The following CREB5 variants were observed in gnomAD, a reference collection of about 807,000 sequenced individuals.
The protein encoded by CREB5 is cyclic AMP-responsive element-binding protein 5.
Under a neutral mutation model 57.1 loss-of-function variants are expected in CREB5, and 19 were observed. The ratio of observed to expected loss-of-function variants is 0.33; its 90% CI spans 0.23 to 0.49. The LOEUF (loss-of-function observed/expected upper bound fraction) is 0.49, where lower values mean the gene tolerates loss of function less well. CREB5 is among the 20% of genes least tolerant of loss of function. The probability of loss-of-function intolerance (pLI) is 0.99; values close to 1 mark genes in which losing one functional copy is unlikely to be tolerated. For synonymous variants in CREB5, 238 were observed against 238.3 expected (o/e 1.00, Z 0.01); for missense variants, 579 against 671.6 (o/e 0.86, Z 1.52).
At chr7:28,471,858 G>A (rs1790828062) in intron 1 of CREB5, among the ~76,000 whole-genome samples, 1 of 152,098 alleles carries the variant, frequency 6.6e-6, no homozygotes, top group Non-Finnish European at 1.5e-5. Context: ...TACAAAAAAT[G>A]CATTATCTCA....
At chr7:28,772,938 C>A (rs547572299) in intron 7 of CREB5, among the ~76,000 whole-genome samples, 3 of 152,256 alleles carry the variant, frequency 2.0e-5, no homozygotes, top group Admixed American at 2.0e-4. Flanking sequence ...CTCTCGTAAC[C>A]TCCTAGATCT....
chr7:28,503,615 T>G (rs78755701), intron 3 of CREB5, among the ~76,000 whole-genome samples: 4 of 151,942 alleles, frequency 2.6e-5, no homozygotes, highest in African/African-American at 9.7e-5. Context: ...AACTCTGAGA[T>G]GAGGTCATGA....
At chr7:28,537,629 A>G (rs1794018006) in intron 4 of CREB5, among the ~76,000 whole-genome samples, 1 of 152,188 alleles carries the variant, frequency 6.6e-6, no homozygotes, top group Admixed American at 6.5e-5. Context: ...AGTGAAAAGG[A>G]GGAGGCAGAT....
chr7:28,319,380 C>A (rs117600882), intron 1 of CREB5, among the ~76,000 whole-genome samples: 1 of 152,144 alleles, frequency 6.6e-6, no homozygotes, highest in Non-Finnish European at 1.5e-5. Flanking sequence ...AGTATTTTTA[C>A]CCCTCAATGT....
intron 9 of CREB5, among the ~76,000 whole-genome samples, chr7:28,813,584 A>G (rs1280362607): frequency 6.6e-6 from 1 of 152,186 alleles, no homozygotes; most frequent in African/African-American, 2.4e-5. Flanking sequence ...GGGAGGGTAT[A>G]TTGTAGAGCC....
intron 4 of CREB5, among the ~76,000 whole-genome samples, chr7:28,514,854 C>G (rs960050306): frequency 1.3e-5 from 2 of 152,064 alleles, no homozygotes; most frequent in Non-Finnish European, 1.5e-5. Flanking sequence ...CGGGTGTTAT[C>G]GGAGGTGCTA....
chr7:28,682,687 G>C (rs182476663), intron 5 of CREB5, among the ~76,000 whole-genome samples: 7 of 147,752 alleles, frequency 4.7e-5, no homozygotes, highest in South Asian at 2.2e-4. Flanking sequence ...AAAAGTGGGG[G>C]GGGGGGGAAA....
At chr7:28,797,640 G>A (rs549037937) in intron 7 of CREB5, among the ~76,000 whole-genome samples, 2 of 152,216 alleles carry the variant, frequency 1.3e-5, no homozygotes, top group Non-Finnish European at 1.5e-5. Flanking sequence ...AGCCAAGTAT[G>A]ATCTTAGTTA....
intron 5 of CREB5, among the ~76,000 whole-genome samples, chr7:28,635,555 C>G (rs1487230621): frequency 1.3e-5 from 2 of 152,212 alleles, no homozygotes; most frequent in Admixed American, 6.5e-5. Flanking sequence ...TCTGCCTCAG[C>G]TGACAAGCTG....
chr7:28,693,787 C>A (rs1357398249), intron 5 of CREB5, among the ~76,000 whole-genome samples: 2 of 152,180 alleles, frequency 1.3e-5, no homozygotes, highest in Admixed American at 1.3e-4. Flanking sequence ...AAGTGCTCAG[C>A]AAATGTTAGT....
intron 5 of CREB5, among the ~76,000 whole-genome samples, chr7:28,583,058 G>T (rs984531935): frequency 1.3e-5 from 2 of 151,610 alleles, no homozygotes; most frequent in African/African-American, 4.8e-5. Flanking sequence ...CAAGCATGAG[G>T]GGTGTGGAGA....
chr7:28,332,120 G>A (rs917087061), intron 1 of CREB5, among the ~76,000 whole-genome samples: 10 of 152,138 alleles, frequency 6.6e-5, no homozygotes, highest in Non-Finnish European at 1.5e-4. Context: ...CAGAGGAGAA[G>A]GCTACATGAA....
chr7:28,338,207 C>T (rs1304023582), intron 1 of CREB5, among the ~76,000 whole-genome samples: 2 of 152,112 alleles, frequency 1.3e-5, no homozygotes, highest in Non-Finnish European at 2.9e-5. Flanking sequence ...CTTACTATTG[C>T]CGGTGACTTT....
At chr7:28,340,356 G>C (rs1347973913) in intron 1 of CREB5, among the ~76,000 whole-genome samples, 50 of 144,762 alleles carry the variant, frequency 3.5e-4, no homozygotes, top group Admixed American at 5.5e-4. Context: ...GTCAGCAGGT[G>C]ATAAATTCTG....
At chr7:28,379,577 C>G (rs1786917823) in intron 1 of CREB5, among the ~76,000 whole-genome samples, 1 of 152,208 alleles carries the variant, frequency 6.6e-6, no homozygotes. Context: ...GATCCAGGGC[C>G]AGTGGTGCCC....
rs1310018316 is a variant in CREB5, at chr7:28,560,889, T to TGCGTGTGTGC, written c.292-9475_292-9474insCGTGTGTGCG. 1.6e-4 allele frequency among the ~76,000 whole-genome samples: 3 copies of TGCGTGTGTGC among 18,210 alleles called. 1 individual carries two copies. Among genetic ancestry groups the TGCGTGTGTGC allele is most frequent in the Non-Finnish European group, 3.0e-4 (3 of 10,012 alleles). The allele number at this position is 18,210 out of a possible 152,430, so 11.9% of individuals were successfully genotyped here. On this transcript the variant is annotated intron_variant, in intron 4 of 10. Transcript: ENST00000357727. ...GCCTGCGTGCGCGTGCGTGCGTGCGTGTGTGTGCGTGCGCGCGTGCGTGTG... is the reference window on the plus strand; with the variant it reads ...GCCTGCGTGCGCGTGCGTGCGTGCGTGCGTGTGTGCGTGTGTGCGTGCGCGCGTGCGTGTG...
chr7:28,797,659 C>A (rs1808126153), intron 7 of CREB5, among the ~76,000 whole-genome samples: 1 of 152,196 alleles, frequency 6.6e-6, no homozygotes, highest in African/African-American at 2.4e-5. Context: ...TAATCCCATG[C>A]ACAGCACGGA....
chr7:28,569,099 C>G (rs191149506), intron 4 of CREB5, among the ~76,000 whole-genome samples: 1 of 152,172 alleles, frequency 6.6e-6, no homozygotes, highest in Non-Finnish European at 1.5e-5. Context: ...TAAAGACTTA[C>G]TTATTGCCCT....
chr7:28,793,862 G>T (rs6964001), intron 7 of CREB5, among the ~76,000 whole-genome samples: 39,556 of 152,164 alleles, frequency 0.26, 6,132 homozygotes, highest in African/African-American at 0.44. Context: ...GTTGCTCTCT[G>T]TCCAGCTTGC....
Sources: allele counts gnomAD v4.1 joint callset (sites outside exome capture counted in the v4.1 genomes callset), GRCh38; gene constraint gnomAD v4.1.1; transcripts MANE v1.5; gene names NCBI Gene and HGNC (gene_info 2026-07-23, HGNC 2026-07-21).